Variants in DNAJC13 observed in about 807,000 individuals in gnomAD.
DNAJC13 encodes the protein dnaJ homolog subfamily C member 13.
In DNAJC13, 75 loss-of-function variants were observed where a neutral mutation model predicts 290.5. The observed-to-expected ratio is 0.26, with a 90% CI of 0.21 to 0.31. DNAJC13 has a LOEUF of 0.31. Ranked by LOEUF, DNAJC13 falls within the 10% of genes least tolerant of loss-of-function variation. The pLI, the probability that DNAJC13 is intolerant of heterozygous loss-of-function variation, is 1.00. For synonymous variants in DNAJC13, 862 were observed against 892.0 expected, an observed-to-expected ratio of 0.97 and a Z score of 0.60; for missense variants, 2,260 against 2,674.5, an observed-to-expected ratio of 0.85 and a Z score of 3.42.
Position 132,479,281 on chromosome 3 carries a change from C to G in DNAJC13, c.2764C>G (p.Leu922Val), listed in dbSNP as rs1359157467. The change falls in exon 25 of 56, where the codon CTT becomes GTT. Residue 922 changes from leucine (L) to valine (V), a missense_variant. Coordinates refer to ENST00000260818, the MANE Select transcript of DNAJC13 (RefSeq NM_015268.4). ...GATTCTCTTCCTTAACAAGTTGATC[C>G]TTAATAAGGTACAGTAGTTTCGCAT... ...RLILFLNKLI[L>V]NKKNVKDLMD... 2 of 1,600,940 alleles carry G rather than the reference C, an allele frequency of 1.2e-6. No individual in the cohort carries two copies. Among genetic ancestry groups the G allele is most frequent in the African/African-American group, 2.7e-5 (2 of 74,602 alleles).
intron 27 of DNAJC13, 128 bp from the exon 28 acceptor site, chr3:132,483,246 AT>A (rs1304926917): frequency 1.0e-6 from 1 of 980,276 alleles, no homozygotes; most frequent in Middle Eastern, 2.9e-4. Context: ...AACAAAACTT[AT>A]TTTTTCTGAA....
rs1238613239 is a variant in DNAJC13, at chr3:132,516,458, C to G, written c.5522C>G (p.Thr1841Arg). The change falls in exon 47 of 56, where the codon ACA becomes AGA. Residue 1841 changes from threonine (T) to arginine (R), a missense_variant. Physicochemically the swap from Thr to Arg is moderately conservative, Grantham distance 71. Coordinates refer to ENST00000260818, the MANE Select transcript of DNAJC13 (RefSeq NM_015268.4). Reference protein sequence around the residue: ...QLVLETLYALTSSTKIIKEAM... With the variant: ...QLVLETLYALRSSTKIIKEAM... ...GTTCTGGAAACTCTTTATGCTTTGA[C>G]ATCGAGTACAAAAATAATCAAAGAA... 2.5e-6 allele frequency: 4 copies of G among 1,613,682 alleles called. No homozygotes were observed. Among genetic ancestry groups the G allele is most frequent in the Non-Finnish European group, 1.7e-6 (2 of 1,179,800 alleles).
chr3:132,507,829 T>C (rs1935643616), intron 43 of DNAJC13, among the ~76,000 whole-genome samples: 1 of 152,140 alleles, frequency 6.6e-6, no homozygotes, highest in South Asian at 2.1e-4. Flanking sequence ...TGCAACGGCC[T>C]CTAGGTGTTC....
chr3:132,472,206 C>T (rs951169351), intron 20 of DNAJC13, among the ~76,000 whole-genome samples: 4 of 152,080 alleles, frequency 2.6e-5, no homozygotes, highest in African/African-American at 4.8e-5. Context: ...GCTTCGGCTC[C>T]GCATGAGAGG....
At position 132,447,257 on chromosome 3, in the gene DNAJC13, C is replaced by G. The variant is rs192796337; in HGVS notation, c.145-64C>G. 6 of 1,306,966 alleles carry G rather than the reference C, an allele frequency of 4.6e-6. No homozygotes were observed. In the Admixed American group the frequency reaches 1.2e-4, roughly 26 times the overall value. The allele number at this position is 1,306,966 out of a possible 1,614,324, so 81.0% of individuals were successfully genotyped here. A position where few individuals can be genotyped will look rare whatever the true frequency, so the allele number is the denominator to read the frequency against. On this transcript the variant is annotated intron_variant, in intron 3 of 55. Coordinates refer to ENST00000260818, the MANE Select transcript of DNAJC13 (RefSeq NM_015268.4). ...ATCAGTGATTATGAAATTAAAGTGA[C>G]AAAAATAAGCATTACATTTTACTGT... is the stretch of plus-strand genomic sequence containing the variant.
chr3:132,477,695 A>G, intron 22 of DNAJC13, 94 bp from the exon 23 acceptor site: 1 of 845,012 alleles, frequency 1.2e-6, no homozygotes, highest in Non-Finnish European at 1.9e-6. Flanking sequence ...TTAAGAAATA[A>G]GTTTTGAACA....
At chr3:132,423,235 T>A (rs191714975) in intron 1 of DNAJC13, among the ~76,000 whole-genome samples, 2 of 152,296 alleles carry the variant, frequency 1.3e-5, no homozygotes, top group Admixed American at 1.3e-4. Flanking sequence ...GCTATGATTG[T>A]GTTGCTGCGT....
At position 132,523,587 on chromosome 3, in the gene DNAJC13, T is replaced by G. The variant is rs146846643; in HGVS notation, c.5934T>G (p.Leu1978=). Reference sequence around the variant, plus strand: ...TGTTTGGAGAAGCAGAGGGTGAACTTGCTGTTGGAGGAGTCTTCTTGAGGA... The same window carrying G: ...TGTTTGGAGAAGCAGAGGGTGAACTGGCTGTTGGAGGAGTCTTCTTGAGGA... ...AVVFGEAEGE[L]AVGGVFLRIF... Residue 1978 remains leucine (L), a synonymous_variant, in exon 51 of 56, where the codon CTT becomes CTG. Transcript: ENST00000260818. 378 of 1,614,124 alleles carry G rather than the reference T, an allele frequency of 2.3e-4. 2 individuals carry two copies. In the African/African-American group the frequency reaches 4.7e-3, roughly 20 times the overall value.
In DNAJC13 at chr3:132,454,559, C is replaced by G. The variant is rs752611868; in HGVS notation, c.932+402C>G. On this transcript the variant is annotated intron_variant, in intron 9 of 55. Transcript: ENST00000260818. ...TTCGCCGTCTTGGCCAGGCTGGTCT[C>G]GAACTCCTGACCTCAAGTGATCCGC... is the stretch of plus-strand genomic sequence containing the variant. 2.6e-5 allele frequency among the ~76,000 whole-genome samples: 4 copies of G among 151,664 alleles called. No homozygotes were observed. The East Asian group carries it at 7.7e-4, about 29-fold the overall frequency.
intron 1 of DNAJC13, among the ~76,000 whole-genome samples, chr3:132,421,219 G>C (rs1938951157): frequency 6.6e-6 from 1 of 152,140 alleles, no homozygotes; most frequent in Non-Finnish European, 1.5e-5. Context: ...TGACTCAGTT[G>C]GGTACAATTT....
chr3:132,419,831 T>G (rs1434427877), intron 1 of DNAJC13, among the ~76,000 whole-genome samples: 2 of 152,226 alleles, frequency 1.3e-5, no homozygotes, highest in African/African-American at 4.8e-5. Context: ...CTTGAGTCAG[T>G]GTTTCTCAAC....
intron 20 of DNAJC13, among the ~76,000 whole-genome samples, chr3:132,467,952 GT>G (rs1934057951): frequency 6.6e-6 from 1 of 151,638 alleles, no homozygotes; most frequent in Non-Finnish European, 1.5e-5. Context: ...TCTGGACTTT[GT>G]TTTGCACCTA....
chr3:132,469,096 G>T (rs1934098122), intron 20 of DNAJC13, among the ~76,000 whole-genome samples: 1 of 152,194 alleles, frequency 6.6e-6, no homozygotes, highest in Non-Finnish European at 1.5e-5. Flanking sequence ...AGCAAATAAT[G>T]ATGCCAGATA....
chr3:132,467,060 A>T (rs1197604802), intron 19 of DNAJC13, 110 bp from the exon 20 acceptor site: 20 of 1,229,252 alleles, frequency 1.6e-5, no homozygotes, highest in Non-Finnish European at 2.1e-5. Flanking sequence ...TCACTGAACC[A>T]TAACATCCAG....
At chr3:132,450,873 AC>A in intron 6 of DNAJC13, 26 bp downstream of exon 6, 6 of 1,359,324 alleles carry the variant, frequency 4.4e-6, no homozygotes, top group Non-Finnish European at 6.1e-6. Context: ...AAAAAAAAAA[AC>A]ACTTTAAAAG....
intron 55 of DNAJC13, among the ~76,000 whole-genome samples, chr3:132,534,338 A>C (rs1027609110): frequency 6.6e-6 from 1 of 152,174 alleles, no homozygotes; most frequent in South Asian, 2.1e-4. Flanking sequence ...AAATTTTTTC[A>C]TCAGCTCTAG....
chr3:132,467,557 C>CT (rs1287831362), intron 20 of DNAJC13, among the ~76,000 whole-genome samples: 2 of 152,166 alleles, frequency 1.3e-5, no homozygotes, highest in African/African-American at 4.8e-5. Flanking sequence ...GCTCCGCCTC[C>CT]TGGGTTCACG....
chr3:132,431,685 T>C (rs566418590), intron 1 of DNAJC13, among the ~76,000 whole-genome samples: 25 of 152,352 alleles, frequency 1.6e-4, no homozygotes, highest in African/African-American at 6.0e-4. Flanking sequence ...AAAACTCATA[T>C]ATGCTTGTTC....
intron 43 of DNAJC13, 86 bp from the exon 44 acceptor site, chr3:132,510,981 C>A: frequency 7.0e-7 from 1 of 1,438,322 alleles, no homozygotes; most frequent in Non-Finnish European, 9.5e-7. Flanking sequence ...GTTTTATTCA[C>A]TTTCATAGCT....
Sources: allele counts gnomAD v4.1 joint callset (sites outside exome capture counted in the v4.1 genomes callset), GRCh38; gene constraint gnomAD v4.1.1; transcripts MANE v1.5; gene names NCBI Gene and HGNC (gene_info 2026-07-23, HGNC 2026-07-21).